AQR: variants seen among roughly 807,000 people sequenced by gnomAD.
The protein encoded by AQR is aquarius intron-binding spliceosomal factor, also known as RNA helicase aquarius.
A neutral mutation model predicts 180.5 loss-of-function variants in AQR; 61 were observed. That is an observed-to-expected ratio of 0.34 (90% CI 0.28 to 0.42). AQR has a LOEUF of 0.42. Among genes scored for constraint, AQR ranks in the 10% least tolerant of loss-of-function variants. The probability of loss-of-function intolerance (pLI) is 1.00; values close to 1 mark genes in which losing one functional copy is unlikely to be tolerated. For synonymous variants in AQR, 551 were observed against 588.8 expected (o/e 0.94, Z 0.93); for missense variants, 1,281 against 1,798.3 (o/e 0.71, Z 5.20).
intron 19 of AQR, among the ~76,000 whole-genome samples, chr15:34,901,093 T>A (rs1269252518): frequency 1.3e-5 from 2 of 152,196 alleles, no homozygotes; most frequent in African/African-American, 4.8e-5. Flanking sequence ...GAACAGTTTA[T>A]CCGTTAAGAG....
chr15:34,925,771 T>G lies in AQR; in HGVS notation c.1118+1264A>C, dbSNP rs191394045. ...TCACTTGAACCCAGGAGGCAGAGGTTGCAGTGAGCCGAGATCGCACCACTG... is the reference window on the plus strand; with the variant it reads ...TCACTTGAACCCAGGAGGCAGAGGTGGCAGTGAGCCGAGATCGCACCACTG... On this transcript the variant is annotated intron_variant, in intron 13 of 34. Transcript: ENST00000156471. Among the ~76,000 whole-genome samples the G allele has an allele frequency of 1.9e-3, 288 of 151,722 alleles. 1 individual carries two copies. Among genetic ancestry groups the G allele is most frequent in the African/African-American group, 6.7e-3 (277 of 41,314 alleles).
intron 1 of AQR, among the ~76,000 whole-genome samples, chr15:34,968,840 C>G (rs1270897391): frequency 6.6e-6 from 1 of 152,184 alleles, no homozygotes; most frequent in Non-Finnish European, 1.5e-5. Context: ...CCTGGCAAAT[C>G]TGTTGAGACA....
rs370948332 is a variant in AQR, at chr15:34,920,426, G to A, written c.1127C>T (p.Thr376Ile). 40 of 1,610,470 alleles carry A rather than the reference G, an allele frequency of 2.5e-5. No individual in the cohort carries two copies. The African/African-American group carries it at 3.7e-4, about 15-fold the overall frequency. ...VKFFGPLSSNTLHQVASYLCL... is the reference protein window; with the variant it reads ...VKFFGPLSSNILHQVASYLCL... ...GAGGTATGATGCCACCTGGTGGAGT[G>A]TGTTTGAACTGCAGAATAGAGAACA... The change falls in exon 14 of 35, where the codon ACA (threonine) becomes ATA (isoleucine). Residue 376 changes from threonine to isoleucine, a missense_variant. By Grantham distance (89) the Thr-to-Ile change is moderately conservative. Transcript: ENST00000156471.
At chr15:34,942,605 G>A (rs903179870) in intron 6 of AQR, among the ~76,000 whole-genome samples, 4 of 152,200 alleles carry the variant, frequency 2.6e-5, no homozygotes, top group Non-Finnish European at 5.9e-5. Context: ...GAGTAAATAC[G>A]TATGTTAGAT....
intron 1 of AQR, among the ~76,000 whole-genome samples, chr15:34,965,162 T>G (rs185258304): frequency 6.6e-6 from 1 of 152,346 alleles, no homozygotes; most frequent in Non-Finnish European, 1.5e-5. Flanking sequence ...TGTATATAAC[T>G]CTTTATAATC....
At chr15:34,948,750 T>C (rs919637007) in intron 4 of AQR, among the ~76,000 whole-genome samples, 4 of 150,836 alleles carry the variant, frequency 2.7e-5, no homozygotes, top group East Asian at 3.9e-4. Flanking sequence ...TGAGCTGAGA[T>C]TGCGCCACTA....
intron 3 of AQR, 123 bp downstream of exon 3, chr15:34,960,651 A>G (rs1463297892): frequency 4.9e-5 from 25 of 510,006 alleles, no homozygotes; most frequent in Non-Finnish European, 8.0e-5. Context: ...TCTAGTCACC[A>G]TTGCCCTGAC....
chr15:34,963,952 G>A (rs903538192), intron 2 of AQR, among the ~76,000 whole-genome samples: 2 of 152,120 alleles, frequency 1.3e-5, no homozygotes, highest in Non-Finnish European at 1.5e-5. Context: ...GTGAGACACC[G>A]TGCCCAGCCA....
At chr15:34,950,084 C>CTTTTTTTTTTTTTTTTTTTTTTTTT (rs1174370425) in intron 4 of AQR, among the ~76,000 whole-genome samples, 1 of 74,058 alleles carries the variant, frequency 1.4e-5, no homozygotes, top group African/African-American at 5.7e-5. Context: ...TGCTATTTTC[C>CTTTTTTTTTTTTTTTTTTTTTTTTT]TTTTTTTTTT....
In AQR at chr15:34,857,041, T is replaced by C. The variant is rs1277726113; in HGVS notation, c.4209A>G (p.Glu1403=). The C allele has an allele frequency of 2.5e-6, 4 of 1,613,358 alleles. No homozygotes were observed. The highest frequency in any genetic ancestry group is 1.1e-5 in the South Asian group (1 of 90,970). Residue 1403 remains glutamate, a synonymous_variant, in exon 35 of 35, where the codon GAA becomes GAG. Transcript: ENST00000156471. ...EGEEVQNQET[E]LETEEEAMTV... ...TCATGGCCTCTTCTTCTGTTTCCAA[T>C]TCTGTTTCTTGATTTTGAACTTCCT...
chr15:34,873,700 T>C, intron 30 of AQR, 128 bp downstream of exon 30: 6 of 681,184 alleles, frequency 8.8e-6, no homozygotes, highest in Non-Finnish European at 1.4e-5. Context: ...CGATTTTTCA[T>C]ATGCTATGTG....
chr15:34,906,413 G>A, intron 18 of AQR, 132 bp downstream of exon 18: 1 of 1,078,440 alleles, frequency 9.3e-7, no homozygotes, highest in Middle Eastern at 2.2e-4. Context: ...ACACATATTT[G>A]ATACAAAATC....
At chr15:34,899,777 C>A (rs950769359) in intron 20 of AQR, among the ~76,000 whole-genome samples, 1 of 152,080 alleles carries the variant, frequency 6.6e-6, no homozygotes, top group Non-Finnish European at 1.5e-5. Flanking sequence ...CAGTGCCTTA[C>A]CACTAATCCA....
rs1373957041 is a variant in AQR at position 34,910,195 on chromosome 15, C to T, written c.1603G>A (p.Val535Ile). Residue 535 changes from valine (V) to isoleucine (I), a missense_variant, in exon 17 of 35, where the codon GTT (valine) becomes ATT (isoleucine). By Grantham distance (29) the Val-to-Ile change is conservative. Transcript: ENST00000156471. ...PNIGENWPTR[V>I]RADVTINLNV... is the part of the protein sequence containing the mutation. ...AGATTTATGGTAACATCTGCACGAA[C>T]TCGGGTTGGCCAGTTTTCACCTATG... 6.2e-7 allele frequency: 1 copy of T among 1,614,236 alleles called. No homozygotes were observed. The highest frequency in any genetic ancestry group is 1.1e-5 in the South Asian group (1 of 91,092).
intron 1 of AQR, among the ~76,000 whole-genome samples, chr15:34,968,064 C>A (rs1224046096): frequency 6.6e-6 from 1 of 152,070 alleles, no homozygotes; most frequent in African/African-American, 2.4e-5. Flanking sequence ...CGACCTGCCA[C>A]GGCCTCCCAA....
intron 3 of AQR, among the ~76,000 whole-genome samples, chr15:34,960,511 A>C (rs2050269133): frequency 6.6e-6 from 1 of 152,188 alleles, no homozygotes; most frequent in Non-Finnish European, 1.5e-5. Flanking sequence ...CTAGTAATAA[A>C]ATCTTCATGT....
At chr15:34,944,002 C>T (rs186754065) in intron 6 of AQR, among the ~76,000 whole-genome samples, 34 of 152,276 alleles carry the variant, frequency 2.2e-4, no homozygotes, top group Admixed American at 1.8e-3. Context: ...TTTGTGCTCT[C>T]CCTTTAGAGT....
intron 32 of AQR, 167 bp from the exon 33 acceptor site, chr15:34,863,208 A>G (rs113229347): frequency 2.9e-5 from 17 of 588,730 alleles, no homozygotes; most frequent in Non-Finnish European, 4.5e-5. Context: ...TGACTAATAA[A>G]CCAAGTAAAA....
At chr15:34,968,669 T>C (rs2140512686) in intron 1 of AQR, among the ~76,000 whole-genome samples, 1 of 152,236 alleles carries the variant, frequency 6.6e-6, no homozygotes, top group Non-Finnish European at 1.5e-5. Context: ...GGAAGGACAA[T>C]ATAACAGATT....
Sources: allele counts gnomAD v4.1 joint callset (sites outside exome capture counted in the v4.1 genomes callset), GRCh38; gene constraint gnomAD v4.1.1; transcripts MANE v1.5; gene names NCBI Gene and HGNC (gene_info 2026-07-23, HGNC 2026-07-21).